The following CACNA2D1 variants were observed in gnomAD, a reference collection of about 807,000 sequenced individuals.
The protein encoded by CACNA2D1 is calcium voltage-gated channel auxiliary subunit alpha2delta 1.
A neutral mutation model predicts 171.5 loss-of-function variants in CACNA2D1; 53 were observed. The observed-to-expected ratio is 0.31, with a 90% CI of 0.25 to 0.39. The LOEUF (loss-of-function observed/expected upper bound fraction) is 0.39. Ranked by LOEUF, CACNA2D1 falls within the 10% of genes least tolerant of loss-of-function variation. The pLI is 1.00. For missense variants in CACNA2D1, 903 were observed against 1,299.8 expected (o/e 0.69, Z 4.69); for synonymous variants, 442 against 443.1 (o/e 1.00, Z 0.03).
intron 38 of CACNA2D1, among the ~76,000 whole-genome samples, chr7:81,954,202 T>A (rs1484460363): frequency 1.3e-5 from 2 of 152,072 alleles, no homozygotes; most frequent in African/African-American, 4.8e-5. Flanking sequence ...TGACCAGATA[T>A]AATAAATCGG....
chr7:82,433,898 A>T (rs980246768), intron 1 of CACNA2D1, among the ~76,000 whole-genome samples: 1 of 152,200 alleles, frequency 6.6e-6, no homozygotes, highest in African/African-American at 2.4e-5. Context: ...CTCTTTTCCA[A>T]ATCCCATCTC....
At chr7:82,354,812 G>C (rs1228159351) in intron 1 of CACNA2D1, among the ~76,000 whole-genome samples, 1 of 151,996 alleles carries the variant, frequency 6.6e-6, no homozygotes, top group African/African-American at 2.4e-5. Flanking sequence ...GATGAATGTG[G>C]GGCAGATACC....
intron 7 of CACNA2D1, among the ~76,000 whole-genome samples, chr7:82,075,101 G>C (rs1256519428): frequency 6.6e-6 from 1 of 151,950 alleles, no homozygotes; most frequent in Non-Finnish European, 1.5e-5. Context: ...TTATGAGTGA[G>C]AACATGTGGT....
chr7:82,002,490 G>A (rs1798713759), intron 18 of CACNA2D1, among the ~76,000 whole-genome samples: 1 of 152,118 alleles, frequency 6.6e-6, no homozygotes, highest in South Asian at 2.1e-4. Flanking sequence ...TCATATTTGT[G>A]CCTTTGTTTT....
chr7:82,399,236 T>C (rs1404185008), intron 1 of CACNA2D1, among the ~76,000 whole-genome samples: 2 of 152,100 alleles, frequency 1.3e-5, no homozygotes, highest in Non-Finnish European at 2.9e-5. Context: ...GGTCAAGAGC[T>C]CAAGACCAGC....
intron 13 of CACNA2D1, among the ~76,000 whole-genome samples, chr7:82,014,185 G>A (rs1438387458): frequency 6.6e-6 from 1 of 152,006 alleles, no homozygotes. Flanking sequence ...TTTTATGAAT[G>A]TGGAAATATA....
At chr7:82,216,634 G>C (rs1465038163) in intron 3 of CACNA2D1, among the ~76,000 whole-genome samples, 1 of 151,924 alleles carries the variant, frequency 6.6e-6, no homozygotes, top group Non-Finnish European at 1.5e-5. Flanking sequence ...GAAGCTTAAA[G>C]CATCACCATA....
In CACNA2D1 at chr7:82,054,290, T is replaced by G. The variant is rs186788046; in HGVS notation, c.879+6138A>C. 2.6e-3 allele frequency among the ~76,000 whole-genome samples: 390 copies of G among 152,336 alleles called. 3 individuals carry two copies. Among genetic ancestry groups the G allele is most frequent in the African/African-American group, 9.1e-3 (378 of 41,576 alleles). ...ATTGATGCCCTATCCATTTTTCCAT[T>G]CATGTCAACCCAACTTTTAACTGCC... On this transcript the variant is annotated intron_variant, in intron 10 of 38. Transcript: ENST00000356860.
At chr7:82,231,518 A>T (rs1233573680) in intron 3 of CACNA2D1, among the ~76,000 whole-genome samples, 1 of 152,122 alleles carries the variant, frequency 6.6e-6, no homozygotes, top group African/African-American at 2.4e-5. Flanking sequence ...TTTTGAGGGG[A>T]CCAAACACAT....
intron 2 of CACNA2D1, among the ~76,000 whole-genome samples, chr7:82,347,553 C>T (rs1478070922): frequency 1.3e-5 from 2 of 152,102 alleles, no homozygotes. Flanking sequence ...TCCAACACCC[C>T]CAATCTCAGC....
At chr7:82,118,018 G>T (rs918806424) in intron 5 of CACNA2D1, among the ~76,000 whole-genome samples, 2 of 151,992 alleles carry the variant, frequency 1.3e-5, no homozygotes, top group African/African-American at 2.4e-5. Flanking sequence ...TGTTTTTCAG[G>T]TATATCAATT....
intron 12 of CACNA2D1, among the ~76,000 whole-genome samples, chr7:82,021,556 C>G (rs992406786): frequency 7.9e-5 from 12 of 151,798 alleles, no homozygotes; most frequent in Admixed American, 6.6e-5. Context: ...CTGATATGAC[C>G]AACATATCTG....
At chr7:82,393,064 AG>A (rs1417656403) in intron 1 of CACNA2D1, among the ~76,000 whole-genome samples, 1 of 117,506 alleles carries the variant, frequency 8.5e-6, no homozygotes, top group Admixed American at 8.5e-5. Flanking sequence ...GAAGGAAGGA[AG>A]GAAGGAAGGA....
chr7:81,959,335 G>T lies in CACNA2D1; in HGVS notation c.3099C>A (p.Asp1033Glu). 6.2e-7 allele frequency: 1 copy of T among 1,610,766 alleles called. No individual in the cohort carries two copies. Among genetic ancestry groups the T allele is most frequent in the East Asian group, 2.2e-5 (1 of 44,806 alleles). ...EQTSDGPNPCDMVKQPRYRKG... is the reference protein window; with the variant it reads ...EQTSDGPNPCEMVKQPRYRKG... ...TTCGGTATCTGGGTTGCTTAACCAT[G>T]TCACAAGGATTTGGACCGTCAGCTA... Residue 1033 changes from aspartate (D) to glutamate (E), a missense_variant, in exon 38 of 39, where the codon GAC becomes GAA. Around this residue, in one of 5 missense-constraint regions of CACNA2D1, gnomAD observed 623 missense variants for 925.5 expected, o/e 0.67. Coordinates refer to ENST00000356860, the MANE Select transcript of CACNA2D1 (RefSeq NM_000722.4).
At chr7:81,992,657 A>T (rs1279070605) in intron 20 of CACNA2D1, among the ~76,000 whole-genome samples, 3 of 152,246 alleles carry the variant, frequency 2.0e-5, no homozygotes, top group Non-Finnish European at 4.4e-5. Context: ...TTTCAATATC[A>T]GTAGCAGAAA....
At chr7:82,164,196 T>C (rs1322641981) in intron 4 of CACNA2D1, among the ~76,000 whole-genome samples, 1 of 151,916 alleles carries the variant, frequency 6.6e-6, no homozygotes, top group Non-Finnish European at 1.5e-5. Context: ...AAAACAGATA[T>C]CCTAATACTA....
chr7:81,954,515 A>C (rs1792991481), intron 38 of CACNA2D1, among the ~76,000 whole-genome samples: 1 of 152,046 alleles, frequency 6.6e-6, no homozygotes, highest in Non-Finnish European at 1.5e-5. Context: ...CCAGTGGCTA[A>C]AATCTTTTGA....
rs752258115 is a variant in CACNA2D1 at position 82,005,402 on chromosome 7, G to A, written c.1590+21C>T. 3.5e-6 allele frequency: 5 copies of A among 1,443,078 alleles called. No homozygotes were observed. In the Admixed American group the frequency reaches 7.0e-5, roughly 20 times the overall value. 89.4% of individuals were successfully genotyped at this position (1,443,078 alleles called of 1,614,324 possible). A position where few individuals can be genotyped will look rare whatever the true frequency, so the allele number is the denominator to read the frequency against. Reference sequence around the variant, plus strand: ...TTAATTCTACAAAACACTAATCACTGTAAACAAATTATATACTGACCTTTG... The same window carrying A: ...TTAATTCTACAAAACACTAATCACTATAAACAAATTATATACTGACCTTTG... On this transcript the variant is annotated intron_variant, in intron 18 of 38. Transcript: ENST00000356860.
chr7:82,153,435 T>C (rs749654796), intron 4 of CACNA2D1, among the ~76,000 whole-genome samples: 13 of 152,056 alleles, frequency 8.5e-5, no homozygotes, highest in Non-Finnish European at 1.9e-4. Context: ...CATTACAAAC[T>C]CAAATTCAAA....
Sources: gnomAD v4.1 joint callset for allele counts (sites outside exome capture counted in the v4.1 genomes callset) on GRCh38, gnomAD v4.1.1 for gene constraint, gnomAD v4.1.1 regional missense constraint, MANE v1.5 for transcripts, NCBI Gene and HGNC (gene_info 2026-07-23, HGNC 2026-07-21) for gene names.